Variants in METTL2B observed in about 807,000 individuals in gnomAD.
The protein encoded by METTL2B is tRNA N(3)-cytidine methyltransferase METTL2B.
METTL2B carries 28 observed loss-of-function variants against 51.0 expected under a neutral mutation model. The observed-to-expected ratio is 0.55, with a 90% CI of 0.41 to 0.75. The LOEUF (loss-of-function observed/expected upper bound fraction) is 0.75. Among genes scored for constraint, METTL2B ranks in the 30% least tolerant of loss-of-function variants. METTL2B has a pLI of 0.00. For synonymous variants in METTL2B, 128 were observed against 166.3 expected, an observed-to-expected ratio of 0.77 and a Z score of 1.77; for missense variants, 313 against 460.7, an observed-to-expected ratio of 0.68 and a Z score of 2.93.
At position 128,502,346 on chromosome 7, in the gene METTL2B, C is replaced by CT. The variant is rs1554430565; in HGVS notation, c.*430_*431insT. 1 of 256,314 alleles carries CT rather than the reference C, an allele frequency of 3.9e-6. No individual in the cohort carries two copies. Among genetic ancestry groups the CT allele is most frequent in the African/African-American group, 2.4e-5 (1 of 42,358 alleles). 15.9% of individuals were successfully genotyped at this position (256,314 alleles called of 1,614,324 possible). A position where few individuals can be genotyped will look rare whatever the true frequency, so the allele number is the denominator to read the frequency against. ...AAAGGAATTGTAAACCTTAAACCAC[C>CT]ATTTATTTCCATGTGAAAAAGTGTT... is the stretch of plus-strand genomic sequence containing the variant. On this transcript the variant is annotated 3_prime_UTR_variant, in exon 9 of 9. Coordinates refer to ENST00000262432, the MANE Select transcript of METTL2B (RefSeq NM_018396.3).
intron 1 of METTL2B, 59 bp from the exon 2 acceptor site, chr7:128,477,023 A>C: frequency 6.4e-7 from 1 of 1,567,634 alleles, no homozygotes; most frequent in South Asian, 1.2e-5. Context: ...TAGGCCAGCG[A>C]CTCACCCTGC....
chr7:128,493,431 C>G (rs963249657), intron 5 of METTL2B, among the ~76,000 whole-genome samples: 7 of 152,122 alleles, frequency 4.6e-5, no homozygotes, highest in African/African-American at 1.7e-4. Context: ...AGGCTGCTCT[C>G]GAACTCCTGA....
intron 8 of METTL2B, chr7:128,501,455 C>G: frequency 1.0e-6 from 1 of 984,628 alleles, no homozygotes; most frequent in African/African-American, 1.8e-5. Context: ...GATGAAACCT[C>G]TTTCCTAAAG....
intron 6 of METTL2B, among the ~76,000 whole-genome samples, chr7:128,495,737 G>A (rs1343495601): frequency 6.6e-5 from 10 of 152,200 alleles, no homozygotes; most frequent in Non-Finnish European, 1.3e-4. Flanking sequence ...ACAGGCATGA[G>A]CCACTGCACC....
At position 128,479,138 on chromosome 7, in the gene METTL2B, T is replaced by C. The variant is rs1456776698; in HGVS notation, c.203-20T>C. The C allele has an allele frequency of 8.3e-6, 13 of 1,568,992 alleles. No homozygotes were observed. The highest frequency in any genetic ancestry group is 1.1e-5 in the Non-Finnish European group (13 of 1,156,914). ...ATATTTGAGAGCTGGTTCTTAAAAT[T>C]TTTTCTTAAATATTTACAGTTGATT... On this transcript the variant is annotated intron_variant, in intron 2 of 8. Transcript: ENST00000262432.
At chr7:128,480,460 C>T (rs548329432) in intron 3 of METTL2B, among the ~76,000 whole-genome samples, 187 bp from the exon 4 acceptor site, 195 of 152,314 alleles carry the variant, frequency 1.3e-3, no homozygotes, top group African/African-American at 4.6e-3. Context: ...ATGTTCTTGT[C>T]TTTTAAGGGT....
In METTL2B at chr7:128,506,599, A is replaced by G. The variant is rs1231974453; in HGVS notation, c.*4683A>G. 2.0e-5 allele frequency: 3 copies of G among 152,220 alleles called. No homozygotes were observed. The highest frequency in any genetic ancestry group is 4.4e-5 in the Non-Finnish European group (3 of 68,070). The allele number at this position is 152,220 out of a possible 1,614,324, so 9.4% of individuals were successfully genotyped here. A position where few individuals can be genotyped will look rare whatever the true frequency, so the allele number is the denominator to read the frequency against. On this transcript the variant is annotated 3_prime_UTR_variant, in exon 9 of 9. Coordinates refer to ENST00000262432, the MANE Select transcript of METTL2B (RefSeq NM_018396.3). ...TTAAAAAATAAATACTGTCTCAACT[A>G]TCAGTCTGGCTCTGAATGGTATCTC... is the stretch of plus-strand genomic sequence containing the variant.
At chr7:128,501,480 T>C in intron 8 of METTL2B, 3 of 985,418 alleles carry the variant, frequency 3.0e-6, no homozygotes, top group Non-Finnish European at 3.6e-6. Context: ...TGCTTTGACA[T>C]ACGTAGATAG....
intron 4 of METTL2B, among the ~76,000 whole-genome samples, chr7:128,486,217 C>T (rs572182068): frequency 1.7e-4 from 26 of 151,920 alleles, no homozygotes; most frequent in African/African-American, 5.8e-4. Context: ...TGGCTTGGAC[C>T]CAGGAGTGGA....
chr7:128,485,782 A>G (rs1792691519), intron 4 of METTL2B, among the ~76,000 whole-genome samples: 1 of 152,144 alleles, frequency 6.6e-6, no homozygotes, highest in South Asian at 2.1e-4. Flanking sequence ...ACACCACTGT[A>G]CTCCAGGTGA....
chr7:128,486,854 G>C (rs1006922105), intron 4 of METTL2B, among the ~76,000 whole-genome samples: 3 of 152,320 alleles, frequency 2.0e-5, no homozygotes, highest in Non-Finnish European at 2.9e-5. Context: ...GAACCCAGGA[G>C]GCAAAGACTG....
In METTL2B at chr7:128,477,077, C is replaced by A; in HGVS notation, c.111-5C>A. 6.2e-7 allele frequency: 1 copy of A among 1,614,216 alleles called. No individual in the cohort carries two copies. ...GCCCCTAAGCTGCCCGTTTGATTTT[C>A]TCAGGGACAATGTGGAGTGGTCGGA... On this transcript the variant is annotated splice_region_variant and splice_polypyrimidine_tract_variant and intron_variant, in intron 1 of 8. Transcript: ENST00000262432.
rs922570389 is a variant in METTL2B at position 128,502,920 on chromosome 7, T to C, written c.*1004T>C. 3.6e-5 allele frequency: 7 copies of C among 196,494 alleles called. No homozygotes were observed. The highest frequency in any genetic ancestry group is 9.7e-5 in the African/African-American group (4 of 41,078). 12.2% of individuals were successfully genotyped at this position (196,494 alleles called of 1,614,324 possible). A position where few individuals can be genotyped will look rare whatever the true frequency, so the allele number is the denominator to read the frequency against. ...CTCAAAAAAATAAAAATAAAAAAAA[T>C]CTTAGTTCCATGGAATTTTAAGCAC... On this transcript the variant is annotated 3_prime_UTR_variant, in exon 9 of 9. Transcript: ENST00000262432.
At chr7:128,495,172 C>T (rs1334087645) in intron 6 of METTL2B, among the ~76,000 whole-genome samples, 2 of 152,110 alleles carry the variant, frequency 1.3e-5, no homozygotes, top group Admixed American at 6.6e-5. Flanking sequence ...CCGCCTGCCA[C>T]GGCCTCCCAA....
At chr7:128,485,598 G>A (rs1161071388) in intron 4 of METTL2B, among the ~76,000 whole-genome samples, 14 of 151,866 alleles carry the variant, frequency 9.2e-5, no homozygotes, top group South Asian at 2.1e-4. Flanking sequence ...CCCAGGAGGC[G>A]GAGCTTGCAG....
chr7:128,478,926 T>C (rs976759573), intron 2 of METTL2B, among the ~76,000 whole-genome samples: 8 of 152,280 alleles, frequency 5.3e-5, no homozygotes, highest in African/African-American at 1.9e-4. Context: ...AGTTCTCTGG[T>C]TGATTGTTCA....
intron 6 of METTL2B, among the ~76,000 whole-genome samples, 157 bp downstream of exon 6, chr7:128,494,100 C>T (rs1031213156): frequency 2.6e-5 from 4 of 152,078 alleles, no homozygotes; most frequent in Admixed American, 6.6e-5. Context: ...TTAAATGATC[C>T]TCCCTCCTCA....
rs1165742602 is a variant in METTL2B at position 128,505,635 on chromosome 7, C to T, written c.*3719C>T. 6.6e-6 allele frequency: 1 copy of T among 152,172 alleles called. No homozygotes were observed. Among genetic ancestry groups the T allele is most frequent in the Non-Finnish European group, 1.5e-5 (1 of 68,036 alleles). 9.4% of individuals were successfully genotyped at this position (152,172 alleles called of 1,614,324 possible). A position where few individuals can be genotyped will look rare whatever the true frequency, so the allele number is the denominator to read the frequency against. ...TGCTTTGAGACTAAATATCCTGTTCCTCATCAAACTTCTACCCCCTAGTTT... is the reference window on the plus strand; with the variant it reads ...TGCTTTGAGACTAAATATCCTGTTCTTCATCAAACTTCTACCCCCTAGTTT... On this transcript the variant is annotated 3_prime_UTR_variant, in exon 9 of 9. Coordinates refer to ENST00000262432, the MANE Select transcript of METTL2B (RefSeq NM_018396.3).
At chr7:128,491,784 C>G (rs1426840712) in intron 5 of METTL2B, among the ~76,000 whole-genome samples, 3 of 140,638 alleles carry the variant, frequency 2.1e-5, no homozygotes, top group Non-Finnish European at 1.5e-5. Flanking sequence ...AAAAAAGGGT[C>G]TGTCACAATT....
Sources: allele counts gnomAD v4.1 joint callset (sites outside exome capture counted in the v4.1 genomes callset), GRCh38; gene constraint gnomAD v4.1.1; transcripts MANE v1.5; gene names NCBI Gene and HGNC (gene_info 2026-07-23, HGNC 2026-07-21).